Variants in L3MBTL3 observed in about 807,000 individuals in gnomAD.
L3MBTL3 encodes lethal(3)malignant brain tumor-like protein 3.
In L3MBTL3, 27 loss-of-function variants were observed where a neutral mutation model predicts 102.3. The ratio of observed to expected loss-of-function variants is 0.26; its 90% CI spans 0.19 to 0.36. The LOEUF (loss-of-function observed/expected upper bound fraction) is 0.36. Among genes scored for constraint, L3MBTL3 ranks in the 10% least tolerant of loss-of-function variants. The pLI is 1.00. For missense variants in L3MBTL3, 798 were observed against 955.3 expected, an observed-to-expected ratio of 0.84 and a Z score of 2.17; for synonymous variants, 340 against 320.9, an observed-to-expected ratio of 1.06 and a Z score of -0.64.
intron 9 of L3MBTL3, among the ~76,000 whole-genome samples, chr6:130,058,574 C>A (rs1015924883): frequency 6.6e-5 from 10 of 152,226 alleles, no homozygotes; most frequent in East Asian, 1.9e-4. Context: ...CAGAGCAAGA[C>A]CCTGTCTCTA....
chr6:130,045,006 A>G (rs942991176), intron 3 of L3MBTL3, among the ~76,000 whole-genome samples: 4 of 152,188 alleles, frequency 2.6e-5, no homozygotes, highest in Admixed American at 2.6e-4. Context: ...CAGCAAATCT[A>G]TAGAAGTCAA....
chr6:130,043,509 C>G (rs1780554845), intron 3 of L3MBTL3, among the ~76,000 whole-genome samples: 1 of 152,162 alleles, frequency 6.6e-6, no homozygotes, highest in Non-Finnish European at 1.5e-5. Context: ...CCAACTACCC[C>G]CATCTCTCAT....
chr6:130,045,018 T>G (rs1442838591), intron 3 of L3MBTL3, among the ~76,000 whole-genome samples: 1 of 152,200 alleles, frequency 6.6e-6, no homozygotes, highest in Non-Finnish European at 1.5e-5. Flanking sequence ...AGAAGTCAAT[T>G]TCTTATCATG....
intron 10 of L3MBTL3, among the ~76,000 whole-genome samples, chr6:130,065,448 G>A (rs1247405139): frequency 6.6e-6 from 1 of 152,096 alleles, no homozygotes; most frequent in Non-Finnish European, 1.5e-5. Context: ...TCTGTGTTAT[G>A]TGTTCTACCA....
chr6:130,061,389 A>G (rs1475290615), intron 10 of L3MBTL3, among the ~76,000 whole-genome samples: 2 of 152,162 alleles, frequency 1.3e-5, no homozygotes, highest in African/African-American at 2.4e-5. Context: ...CCCATCTGTT[A>G]GCTTTTATTA....
intron 19 of L3MBTL3, among the ~76,000 whole-genome samples, chr6:130,107,670 T>C (rs1163170622): frequency 6.6e-6 from 1 of 152,246 alleles, no homozygotes; most frequent in African/African-American, 2.4e-5. Flanking sequence ...TTTCCTCAAA[T>C]GTTATCTTCC....
At chr6:130,108,864 C>G (rs1204625295) in intron 19 of L3MBTL3, among the ~76,000 whole-genome samples, 2 of 151,928 alleles carry the variant, frequency 1.3e-5, no homozygotes, top group Non-Finnish European at 2.9e-5. Context: ...TGCCCCTGTC[C>G]CCCGCTGACA....
At chr6:130,122,112 AATT>A (rs377500453) in intron 20 of L3MBTL3, among the ~76,000 whole-genome samples, 1 of 152,304 alleles carries the variant, frequency 6.6e-6, no homozygotes, top group East Asian at 1.9e-4. Flanking sequence ...ATATAACAAT[AATT>A]ATTTATTTTT....
At chr6:130,062,357 CACAG>C (rs1260981884) in intron 10 of L3MBTL3, among the ~76,000 whole-genome samples, 6 of 151,438 alleles carry the variant, frequency 4.0e-5, no homozygotes, top group Non-Finnish European at 5.9e-5. Context: ...GTTTTTGACA[CACAG>C]ACAAACACAC....
chr6:130,119,796 C>T (rs943383556), intron 19 of L3MBTL3, among the ~76,000 whole-genome samples: 2 of 151,206 alleles, frequency 1.3e-5, no homozygotes, highest in African/African-American at 4.8e-5. Flanking sequence ...CACAAATAAA[C>T]AATACATAAT....
In L3MBTL3 at chr6:130,120,887, A is replaced by G. The variant is rs201762284; in HGVS notation, c.1895A>G (p.His632Arg). The G allele has an allele frequency of 1.3e-4, 214 of 1,611,112 alleles. No individual in the cohort carries two copies. The highest frequency in any genetic ancestry group is 1.7e-4 in the Non-Finnish European group (199 of 1,178,346). ...ATGCCTGTTTTTCTTAGAGACCAGC[A>G]TGCTGATGATGTCAAAGAAGACTTT... is the stretch of plus-strand genomic sequence containing the variant. ...SSSSPEIRDQ[H>R]ADDVKEDFEE... is the part of the protein sequence containing the mutation. The change falls in exon 20 of 23, where the codon CAT (histidine) becomes CGT (arginine). Residue 632 changes from histidine to arginine, a missense_variant. Physicochemically the swap from His to Arg is conservative, Grantham distance 29. Around this residue, in one of 4 missense-constraint regions of L3MBTL3, gnomAD observed 306 missense variants for 314.4 expected, o/e 0.97. Coordinates refer to ENST00000361794, the MANE Select transcript of L3MBTL3 (RefSeq NM_032438.4).
rs182105110 is a variant in L3MBTL3, at chr6:130,102,693, C to T, written c.1737-1733C>T. On this transcript the variant is annotated intron_variant, in intron 18 of 22. Coordinates refer to ENST00000361794, the MANE Select transcript of L3MBTL3 (RefSeq NM_032438.4). ...CCAAGCTTTTCCTGTTGGCACTGCT[C>T]CTCCCATCCCCTGGAACATTCTTTC... 6.6e-5 allele frequency among the ~76,000 whole-genome samples: 10 copies of T among 152,292 alleles called. No homozygotes were observed. In the East Asian group the frequency reaches 1.9e-3, roughly 29 times the overall value.
chr6:130,065,962 G>A (rs1442112001), intron 10 of L3MBTL3, among the ~76,000 whole-genome samples: 1 of 152,150 alleles, frequency 6.6e-6, no homozygotes, highest in African/African-American at 2.4e-5. Flanking sequence ...CTTCAGTGCA[G>A]GGCAGACTGT....
intron 2 of L3MBTL3, among the ~76,000 whole-genome samples, chr6:130,034,309 A>G (rs1295626695): frequency 1.3e-5 from 2 of 152,228 alleles, no homozygotes; most frequent in Admixed American, 6.5e-5. Flanking sequence ...TTGAAAAAAA[A>G]TCATTTTAGC....
At chr6:130,111,051 T>A (rs999795484) in intron 19 of L3MBTL3, among the ~76,000 whole-genome samples, 1 of 152,196 alleles carries the variant, frequency 6.6e-6, no homozygotes, top group African/African-American at 2.4e-5. Flanking sequence ...GATTTTTTTT[T>A]AATGCACTTT....
At chr6:130,069,798 C>G (rs1384174407) in intron 12 of L3MBTL3, among the ~76,000 whole-genome samples, 2 of 152,204 alleles carry the variant, frequency 1.3e-5, no homozygotes, top group African/African-American at 4.8e-5. Flanking sequence ...ATCTTGGGCT[C>G]TCCATTTCGT....
intron 7 of L3MBTL3, among the ~76,000 whole-genome samples, chr6:130,053,654 A>C (rs1422013916): frequency 6.6e-6 from 1 of 152,032 alleles, no homozygotes; most frequent in Non-Finnish European, 1.5e-5. Context: ...AAACAAAAAA[A>C]ACTATCTGAG....
chr6:130,040,530 C>T (rs1780355560), intron 2 of L3MBTL3, among the ~76,000 whole-genome samples: 1 of 152,094 alleles, frequency 6.6e-6, no homozygotes, highest in African/African-American at 2.4e-5. Flanking sequence ...CCATCCACTG[C>T]CTTAGAAAAG....
chr6:130,090,076 TGG>T (rs577454645), intron 16 of L3MBTL3, among the ~76,000 whole-genome samples: 42 of 152,278 alleles, frequency 2.8e-4, no homozygotes, highest in African/African-American at 9.9e-4. Flanking sequence ...TTGCTTTTCT[TGG>T]GGTATTCTCT....
Sources: allele counts gnomAD v4.1 joint callset (sites outside exome capture counted in the v4.1 genomes callset), GRCh38; gene constraint gnomAD v4.1.1; regional missense constraint gnomAD v4.1.1; transcripts MANE v1.5; gene names NCBI Gene and HGNC (gene_info 2026-07-23, HGNC 2026-07-21).